The following GALNT2 variants were observed in gnomAD, a reference collection of about 807,000 sequenced individuals.
GALNT2 encodes the protein polypeptide N-acetylgalactosaminyltransferase 2, also known as UDP-GalNAc:polypeptide N-acetylgalactosaminyltransferase 2.
GALNT2 carries 31 observed loss-of-function variants against 81.4 expected under a neutral mutation model. That is an observed-to-expected ratio of 0.38 (90% CI 0.29 to 0.51). The LOEUF is 0.51. Ranked by LOEUF, GALNT2 falls within the 20% of genes least tolerant of loss-of-function variation. The probability of loss-of-function intolerance (pLI) is 0.87; values close to 1 mark genes in which losing one functional copy is unlikely to be tolerated. For synonymous variants in GALNT2, 303 were observed against 287.4 expected (o/e 1.05, Z -0.55); for missense variants, 629 against 765.7 (o/e 0.82, Z 2.11).
chr1:230,196,594 G>A (rs1663702494), intron 2 of GALNT2, among the ~76,000 whole-genome samples: 2 of 152,188 alleles, frequency 1.3e-5, no homozygotes, highest in South Asian at 2.1e-4. Context: ...TTGAGAGAGG[G>A]TGGGTGTGGG....
chr1:230,071,197 C>T (rs549624984), intron 1 of GALNT2, among the ~76,000 whole-genome samples: 8 of 152,248 alleles, frequency 5.3e-5, no homozygotes, highest in African/African-American at 7.2e-5. Context: ...GGAAAATAGT[C>T]GTCTTTCTTT....
chr1:230,232,487 G>A (rs966823428), intron 3 of GALNT2, among the ~76,000 whole-genome samples: 4 of 152,098 alleles, frequency 2.6e-5, no homozygotes, highest in Non-Finnish European at 4.4e-5. Flanking sequence ...GATCGGTTCC[G>A]TTTACTATGA....
rs531286236 is a variant in GALNT2, at chr1:230,160,727, G to A, written c.127-17491G>A. Among the ~76,000 whole-genome samples the A allele has an allele frequency of 4.0e-4, 60 of 149,506 alleles. No homozygotes were observed. In the South Asian group the frequency reaches 6.3e-3, roughly 16 times the overall value. On this transcript the variant is annotated intron_variant, in intron 1 of 15. Transcript: ENST00000366672. ...AGACTCCATCTAAAAAAAAAAACAC[G>A]AAACTTTCAGATGAATAAGTTGGTT...
chr1:230,179,193 A>T (rs1663082799), intron 2 of GALNT2, among the ~76,000 whole-genome samples: 1 of 151,918 alleles, frequency 6.6e-6, no homozygotes, highest in African/African-American at 2.4e-5. Flanking sequence ...TAGTTTGTTT[A>T]TTCACCTAGT....
At chr1:230,230,305 T>C (rs1664831713) in intron 3 of GALNT2, among the ~76,000 whole-genome samples, 1 of 152,172 alleles carries the variant, frequency 6.6e-6, no homozygotes, top group South Asian at 2.1e-4. Context: ...ACAAATCGAA[T>C]GTATCCAGAC....
At chr1:230,196,707 TCTC>T (rs754005052) in intron 2 of GALNT2, among the ~76,000 whole-genome samples, 1 of 152,068 alleles carries the variant, frequency 6.6e-6, no homozygotes, top group Non-Finnish European at 1.5e-5. Context: ...AGGCCCCGCT[TCTC>T]CTCATCCCAT....
chr1:230,279,900 T>G lies in GALNT2; in HGVS notation c.*442T>G, dbSNP rs1440101177. On this transcript the variant is annotated 3_prime_UTR_variant, in exon 16 of 16. Transcript: ENST00000366672. The surrounding 1 kb of genome is among the most constrained non-coding windows in gnomAD (Gnocchi z 4.6). ...CATTTTCAATCCCTTCGAAATCACG[T>G]ATGGTTTCCACAAAGCCGAGTCGTG... The G allele has an allele frequency of 2.0e-5, 9 of 457,740 alleles. No individual in the cohort carries two copies. Among genetic ancestry groups the G allele is most frequent in the Non-Finnish European group, 2.2e-5 (5 of 228,194 alleles). 28.4% of individuals were successfully genotyped at this position (457,740 alleles called of 1,614,324 possible).
intron 1 of GALNT2, among the ~76,000 whole-genome samples, chr1:230,125,926 C>T (rs985916778): frequency 6.6e-6 from 1 of 152,214 alleles, no homozygotes; most frequent in African/African-American, 2.4e-5. Context: ...TCTCTTCATT[C>T]CATGTGAATA....
chr1:230,178,750 A>G (rs907612187), intron 2 of GALNT2, among the ~76,000 whole-genome samples: 5 of 152,026 alleles, frequency 3.3e-5, no homozygotes, highest in Admixed American at 2.6e-4. Flanking sequence ...GTTACAATCC[A>G]TGAACCTGCA....
intron 3 of GALNT2, among the ~76,000 whole-genome samples, chr1:230,228,032 A>G (rs1664766860): frequency 2.0e-5 from 3 of 152,206 alleles, no homozygotes; most frequent in Admixed American, 1.3e-4. Flanking sequence ...CAGAGTCCAC[A>G]TACAAAAACC....
At position 230,216,191 on chromosome 1, in the gene GALNT2, C is replaced by T. The variant is rs1313850251; in HGVS notation, c.374+12901C>T. ...TCCATTTAAAACCCATCACTTTGCC[C>T]CCCGTCGTGGAACCATGAAACTGAA... On this transcript the variant is annotated intron_variant, in intron 3 of 15. Transcript: ENST00000366672. 3.3e-5 allele frequency among the ~76,000 whole-genome samples: 5 copies of T among 152,166 alleles called. No homozygotes were observed. In the East Asian group the frequency reaches 9.6e-4, roughly 29 times the overall value.
At chr1:230,105,230 G>A (rs1660508006) in intron 1 of GALNT2, among the ~76,000 whole-genome samples, 1 of 152,208 alleles carries the variant, frequency 6.6e-6, no homozygotes, top group African/African-American at 2.4e-5. Flanking sequence ...GGGACAGGGA[G>A]TCTGAAATGC....
intron 10 of GALNT2, among the ~76,000 whole-genome samples, chr1:230,253,251 G>A (rs1665606636): frequency 6.6e-6 from 1 of 152,140 alleles, no homozygotes. Context: ...TAGTACAAGA[G>A]AGTTGCTTAT....
chr1:230,157,520 T>G (rs1469301727), intron 1 of GALNT2, among the ~76,000 whole-genome samples: 1 of 152,220 alleles, frequency 6.6e-6, no homozygotes, highest in Non-Finnish European at 1.5e-5. Flanking sequence ...TTATGTGCTC[T>G]TGGGATTCAT....
intron 3 of GALNT2, among the ~76,000 whole-genome samples, chr1:230,225,341 A>G (rs145232277): frequency 2.4e-4 from 37 of 152,274 alleles, no homozygotes; most frequent in Non-Finnish European, 4.1e-4. Flanking sequence ...GAAGCTGAAC[A>G]TCTTGTTTGG....
chr1:230,073,430 C>G (rs890847889), intron 1 of GALNT2, among the ~76,000 whole-genome samples: 1 of 152,218 alleles, frequency 6.6e-6, no homozygotes, highest in Non-Finnish European at 1.5e-5. Flanking sequence ...CTAGGGTTCC[C>G]TGCTCTAAGC....
upstream of GALNT2, among the ~76,000 whole-genome samples, chr1:230,064,108 A>G (rs891197799): frequency 2.0e-5 from 3 of 152,124 alleles, no homozygotes; most frequent in African/African-American, 7.2e-5. Flanking sequence ...TATATTTTTA[A>G]TATATTACCC....
At position 230,125,698 on chromosome 1, in the gene GALNT2, T is replaced by TA. The variant is rs574065700; in HGVS notation, c.127-52518dup. 3.0e-4 allele frequency among the ~76,000 whole-genome samples: 43 copies of TA among 144,012 alleles called. No homozygotes were observed. The South Asian group carries it at 6.9e-3, about 23-fold the overall frequency. The allele number at this position is 144,012 out of a possible 152,430, so 94.5% of individuals were successfully genotyped here. On this transcript the variant is annotated intron_variant, in intron 1 of 15. Transcript: ENST00000366672. ...CTGCCTTCAGGCAGTGAGAAACTGT[T>TA]AAGGTAGGAAGGAGAACAGACAACT...
intron 1 of GALNT2, among the ~76,000 whole-genome samples, chr1:230,165,961 A>G (rs905590658): frequency 6.6e-6 from 1 of 152,198 alleles, no homozygotes; most frequent in Non-Finnish European, 1.5e-5. Flanking sequence ...AGAGCTTGCA[A>G]CTGTGGAAAG....
Sources: allele counts gnomAD v4.1 joint callset (sites outside exome capture counted in the v4.1 genomes callset), GRCh38; gene constraint gnomAD v4.1.1; non-coding constraint Gnocchi (gnomAD v3.1); transcripts MANE v1.5; gene names NCBI Gene and HGNC (gene_info 2026-07-23, HGNC 2026-07-21).